TBL1X: variants seen among roughly 807,000 people sequenced by gnomAD.
TBL1X encodes F-box-like/WD repeat-containing protein TBL1X.
Under a neutral mutation model 50.7 loss-of-function variants are expected in TBL1X, and 10 were observed. That is an observed-to-expected ratio of 0.20 (90% CI 0.12 to 0.33). TBL1X has a LOEUF of 0.33. Among genes scored for constraint, TBL1X ranks in the 10% least tolerant of loss-of-function variants. TBL1X has a pLI of 1.00. For missense variants in TBL1X, 340 were observed against 504.4 expected, an observed-to-expected ratio of 0.67 and a Z score of 3.12; for synonymous variants, 190 against 214.7, an observed-to-expected ratio of 0.88 and a Z score of 1.01.
chrX:9,502,527 A>AC (rs2082006536), intron 2 of TBL1X, among the ~76,000 whole-genome samples: 1 of 111,130 alleles, frequency 9.0e-6, no homozygotes, highest in East Asian at 2.8e-4. Context: ...TACATGTAGA[A>AC]CCTCTCCTCC....
intron 2 of TBL1X, among the ~76,000 whole-genome samples, chrX:9,504,263 A>G (rs1184900233): frequency 8.9e-6 from 1 of 111,787 alleles, no homozygotes; most frequent in Non-Finnish European, 1.9e-5. Context: ...AACAACAACA[A>G]TCAAATAAAA....
At chrX:9,659,928 G>T (rs1206648131) in intron 5 of TBL1X, among the ~76,000 whole-genome samples, 1 of 112,551 alleles carries the variant, frequency 8.9e-6, no homozygotes, top group African/African-American at 3.2e-5. Context: ...CAGTTTCCAT[G>T]GGCCGACATG....
At chrX:9,496,785 G>A (rs988663695) in intron 1 of TBL1X, among the ~76,000 whole-genome samples, 1 of 111,718 alleles carries the variant, frequency 9.0e-6, no homozygotes, top group African/African-American at 3.3e-5. Context: ...CCCGAATGAG[G>A]GTGGAAAGGG....
intron 2 of TBL1X, among the ~76,000 whole-genome samples, chrX:9,553,327 G>A (rs902071924): frequency 9.0e-6 from 1 of 111,650 alleles, no homozygotes; most frequent in Non-Finnish European, 1.9e-5. Context: ...AGGGATGCTG[G>A]CGGCCTCTAG....
At chrX:9,487,473 C>G (rs907707265) in intron 1 of TBL1X, among the ~76,000 whole-genome samples, 4 of 111,746 alleles carry the variant, frequency 3.6e-5, no homozygotes, top group African/African-American at 1.3e-4. Flanking sequence ...ATGTGTTGTT[C>G]TAGTTTCTTG....
intron 5 of TBL1X, among the ~76,000 whole-genome samples, chrX:9,670,444 T>C (rs1050409835): frequency 9.0e-6 from 1 of 111,597 alleles, no homozygotes; most frequent in African/African-American, 3.3e-5. Flanking sequence ...TTGATTTGAG[T>C]ACTAATAAAA....
At chrX:9,526,376 G>C (rs2082132742) in intron 2 of TBL1X, among the ~76,000 whole-genome samples, 1 of 111,683 alleles carries the variant, frequency 9.0e-6, no homozygotes, top group African/African-American at 3.3e-5. Context: ...TGTGTTTTTG[G>C]CATTCTGCTC....
At chrX:9,482,394 C>T (rs2146933541) in intron 1 of TBL1X, among the ~76,000 whole-genome samples, 1 of 111,982 alleles carries the variant, frequency 8.9e-6, no homozygotes, top group East Asian at 2.8e-4. Flanking sequence ...TGCAGTGCCA[C>T]CTCCTGATAT....
intron 2 of TBL1X, among the ~76,000 whole-genome samples, chrX:9,502,448 C>G (rs1486966750): frequency 1.8e-5 from 2 of 112,223 alleles, no homozygotes; most frequent in African/African-American, 6.5e-5. Context: ...GTTCCTGCTC[C>G]TCCCGCCCAG....
intron 6 of TBL1X, among the ~76,000 whole-genome samples, 177 bp downstream of exon 6, chrX:9,684,365 A>G (rs975680322): frequency 2.7e-5 from 3 of 110,505 alleles, no homozygotes; most frequent in East Asian, 5.7e-4. Context: ...CAGGAAGTCT[A>G]CTTGACCCCA....
At chrX:9,610,676 C>A (rs1298263106) in intron 2 of TBL1X, among the ~76,000 whole-genome samples, 5 of 112,177 alleles carry the variant, frequency 4.5e-5, no homozygotes, top group Non-Finnish European at 9.4e-5. Flanking sequence ...TACCTAATGT[C>A]AACTCCAGTT....
chrX:9,617,356 CTT>C (rs1713081879), intron 2 of TBL1X, among the ~76,000 whole-genome samples: 1 of 111,530 alleles, frequency 9.0e-6, no homozygotes, highest in Admixed American at 9.5e-5. Flanking sequence ...AAAATGGTCT[CTT>C]GAGAGTAGAA....
At chrX:9,552,411 C>G (rs1231607324) in intron 2 of TBL1X, among the ~76,000 whole-genome samples, 1 of 111,261 alleles carries the variant, frequency 9.0e-6, no homozygotes, top group African/African-American at 3.3e-5. Context: ...TCAAGGTTGC[C>G]TGAGGAGGAG....
At position 9,579,900 on chromosome X, in the gene TBL1X, T is replaced by C. The variant is rs1281464334; in HGVS notation, c.-130-60373T>C. 3.6e-5 allele frequency among the ~76,000 whole-genome samples: 4 copies of C among 111,669 alleles called. No homozygotes were observed. The South Asian group carries it at 1.5e-3, about 43-fold the overall frequency. ...AGAGGCAACTAAGGGAATCTTTCAG[T>C]GGGTTCATAAGCCATGCTGCTCCTG... On this transcript the variant is annotated intron_variant, in intron 2 of 17. Coordinates refer to ENST00000645353, the MANE Select transcript of TBL1X (RefSeq NM_005647.4).
intron 13 of TBL1X, among the ~76,000 whole-genome samples, chrX:9,707,357 C>G (rs1442121634): frequency 8.9e-6 from 1 of 112,258 alleles, no homozygotes; most frequent in Admixed American, 9.4e-5. Flanking sequence ...ACTTATTTCT[C>G]CTCTAACCCT....
intron 2 of TBL1X, among the ~76,000 whole-genome samples, chrX:9,563,159 A>C (rs931526426): frequency 8.9e-6 from 1 of 112,857 alleles, no homozygotes; most frequent in Non-Finnish European, 1.9e-5. Context: ...TTGCCATATA[A>C]GGAAGTTGCC....
chrX:9,587,972 C>G (rs767587967), intron 2 of TBL1X, among the ~76,000 whole-genome samples: 1 of 111,802 alleles, frequency 8.9e-6, no homozygotes, highest in African/African-American at 3.3e-5. Flanking sequence ...GCCAGACATT[C>G]CTTTCTGTTA....
At chrX:9,656,120 G>A (rs1367200779) in intron 5 of TBL1X, among the ~76,000 whole-genome samples, 1 of 112,537 alleles carries the variant, frequency 8.9e-6, no homozygotes, top group Admixed American at 9.4e-5. Flanking sequence ...GGAAATCAGG[G>A]AAATGATAAC....
In TBL1X at chrX:9,492,838, G is replaced by GGTGTGTGTGTGT. The variant is rs774050435; in HGVS notation, c.-200-8893_-200-8882dup. 1.9e-4 allele frequency among the ~76,000 whole-genome samples: 11 copies of GGTGTGTGTGTGT among 57,002 alleles called. 1 individual carries two copies. Among genetic ancestry groups the GGTGTGTGTGTGT allele is most frequent in the East Asian group, 6.1e-4 (1 of 1,637 alleles). The allele number at this position is 57,002 out of a possible 115,157, so 49.5% of individuals were successfully genotyped here. A position where few individuals can be genotyped will look rare whatever the true frequency, so the allele number is the denominator to read the frequency against. On this transcript the variant is annotated intron_variant, in intron 1 of 17. Coordinates refer to ENST00000645353, the MANE Select transcript of TBL1X (RefSeq NM_005647.4). ...AATATTGTTGAGATTGGGGCTAGAG[G>GGTGTGTGTGTGT]GTGTGTGTGTGTGTGTGTGTGTGTG...
Sources: gnomAD v4.1 joint callset for allele counts (sites outside exome capture counted in the v4.1 genomes callset) on GRCh38, gnomAD v4.1.1 for gene constraint, MANE v1.5 for transcripts, NCBI Gene and HGNC (gene_info 2026-07-23, HGNC 2026-07-21) for gene names.